The following FBLN1 variants were observed in gnomAD, a reference collection of about 807,000 sequenced individuals.
FBLN1 encodes fibulin-1.
FBLN1 carries 34 observed loss-of-function variants against 89.7 expected under a neutral mutation model. The observed-to-expected ratio is 0.38, with a 90% confidence interval of 0.29 to 0.50. The LOEUF is 0.50. FBLN1 is among the 20% of genes least tolerant of loss of function. FBLN1 has a pLI of 0.92. For missense variants in FBLN1, 777 were observed against 988.1 expected, an observed-to-expected ratio of 0.79 and a Z score of 2.86; for synonymous variants, 393 against 391.3, an observed-to-expected ratio of 1.00 and a Z score of -0.05.
intron 1 of FBLN1, chr22:45,517,807 G>A (rs1006767603): frequency 1.9e-5 from 7 of 365,340 alleles, no homozygotes; most frequent in Middle Eastern, 4.1e-4. Context: ...GAGAAAACAC[G>A]GATGTGGGTC....
chr22:45,565,511 C>T (rs1206928900), intron 14 of FBLN1: 2 of 295,240 alleles, frequency 6.8e-6, no homozygotes, highest in Non-Finnish European at 1.3e-5. Flanking sequence ...AGCCTGAGCT[C>T]CCCTGGCCCC....
Position 45,537,728 on chromosome 22 carries a change from C to T in FBLN1, c.922+2391C>T, listed in dbSNP as rs1316781709. On this transcript the variant is annotated intron_variant, in intron 8 of 16. Coordinates refer to ENST00000327858, the MANE Select transcript of FBLN1 (RefSeq NM_006486.3). The surrounding 1 kb of genome is among the most constrained non-coding windows in gnomAD (Gnocchi z 5.7). ...CTCTGTTACAGCTTCCCTGTCATCC[C>T]CTGGGGGAGACTTCTGAGCTGGGGC... Among the ~76,000 whole-genome samples, 1 of 152,220 alleles carries T rather than the reference C, an allele frequency of 6.6e-6. No individual in the cohort carries two copies. The highest frequency in any genetic ancestry group is 1.5e-5 in the Non-Finnish European group (1 of 68,044).
At chr22:45,510,462 C>T (rs745783559) in intron 1 of FBLN1, among the ~76,000 whole-genome samples, 1 of 152,130 alleles carries the variant, frequency 6.6e-6, no homozygotes, top group East Asian at 1.9e-4. Flanking sequence ...AAACTCTCAA[C>T]CATGAGATCA....
Position 45,578,518 on chromosome 22 carries a change from C to T in FBLN1, c.1972+1410C>T, listed in dbSNP as rs1309887025. 1 of 152,012 alleles carries T rather than the reference C, an allele frequency of 6.6e-6. No homozygotes were observed. The highest frequency in any genetic ancestry group is 6.5e-5 in the Admixed American group (1 of 15,270). 9.4% of individuals were successfully genotyped at this position (152,012 alleles called of 1,614,324 possible). A position where few individuals can be genotyped will look rare whatever the true frequency, so the allele number is the denominator to read the frequency against. On this transcript the variant is annotated intron_variant, in intron 16 of 16. Transcript: ENST00000327858. The surrounding 1 kb of genome is among the most constrained non-coding windows in gnomAD (Gnocchi z 4.6). ...TGCTGCTTGCCCTTGAGTCACTCCCCACTCTGGGCCTCAGTTTCCCCCATT... is the reference window on the plus strand; with the variant it reads ...TGCTGCTTGCCCTTGAGTCACTCCCTACTCTGGGCCTCAGTTTCCCCCATT...
intron 14 of FBLN1, among the ~76,000 whole-genome samples, chr22:45,553,422 T>G (rs2088731655): frequency 6.6e-6 from 1 of 152,232 alleles, no homozygotes; most frequent in African/African-American, 2.4e-5. Context: ...TGCCCTGCTC[T>G]GTAATACATT....
At chr22:45,503,174 C>G in intron 1 of FBLN1, 110 bp downstream of exon 1, 1 of 620,944 alleles carries the variant, frequency 1.6e-6, no homozygotes, top group Non-Finnish European at 2.0e-6. Context: ...CGTTGCCCTG[C>G]GCGGCGCCCC....
chr22:45,552,675 C>T (rs2088719631), intron 14 of FBLN1, among the ~76,000 whole-genome samples: 1 of 152,162 alleles, frequency 6.6e-6, no homozygotes, highest in South Asian at 2.1e-4. Flanking sequence ...CTGCAGAGTC[C>T]GCTGCTGTGC....
At chr22:45,519,137 A>G (rs754545236) in intron 2 of FBLN1, among the ~76,000 whole-genome samples, 2 of 152,154 alleles carry the variant, frequency 1.3e-5, no homozygotes, top group Non-Finnish European at 2.9e-5. Context: ...GTGACTAAAG[A>G]GCTTTGCGAG....
intron 2 of FBLN1, among the ~76,000 whole-genome samples, chr22:45,524,234 C>A (rs964623698): frequency 2.0e-5 from 3 of 152,170 alleles, no homozygotes; most frequent in Non-Finnish European, 2.9e-5. Flanking sequence ...CTGGGGAGGC[C>A]CCCACCCTCT....
chr22:45,544,837 A>C (rs1284639374), intron 11 of FBLN1, among the ~76,000 whole-genome samples: 1 of 152,128 alleles, frequency 6.6e-6, no homozygotes, highest in East Asian at 1.9e-4. Flanking sequence ...AGGTCACATG[A>C]ACTGCATGTC....
chr22:45,547,226 G>A (rs755950048), intron 12 of FBLN1, 22 bp downstream of exon 12: 3 of 1,612,630 alleles, frequency 1.9e-6, no homozygotes, highest in Non-Finnish European at 2.5e-6. Flanking sequence ...CCTGCCTGCT[G>A]AGGGGGAAAG....
intron 1 of FBLN1, among the ~76,000 whole-genome samples, chr22:45,513,276 A>C (rs971874393): frequency 1.3e-5 from 2 of 150,646 alleles, no homozygotes; most frequent in East Asian, 3.9e-4. Context: ...TAAAATACGC[A>C]TCACATGGGA....
rs1170920172 is a variant in FBLN1 at position 45,557,951 on chromosome 22, G to T, written c.1697+7336G>T. ...ACTGGGAAGATTTCCCTTTGCCACT[G>T]TCCTTCAGGGATGTCCTAGAAAGGG... On this transcript the variant is annotated intron_variant, in intron 14 of 16. Transcript: ENST00000327858. This position sits in a 1 kb window ranked among gnomAD's most constrained non-coding sequence, Gnocchi z 4.9. 2 of 670,568 alleles carry T rather than the reference G, an allele frequency of 3.0e-6. No individual in the cohort carries two copies. The highest frequency in any genetic ancestry group is 5.6e-6 in the Non-Finnish European group (2 of 356,986). 41.5% of individuals were successfully genotyped at this position (670,568 alleles called of 1,614,324 possible).
rs761041772 is a variant in FBLN1, at chr22:45,550,924, C to T, written c.1697+309C>T. 4.4e-5 allele frequency: 20 copies of T among 456,194 alleles called. No homozygotes were observed. Among genetic ancestry groups the T allele is most frequent in the Non-Finnish European group, 8.1e-5 (20 of 246,082 alleles). 28.3% of individuals were successfully genotyped at this position (456,194 alleles called of 1,614,324 possible). A position where few individuals can be genotyped will look rare whatever the true frequency, so the allele number is the denominator to read the frequency against. On this transcript the variant is annotated intron_variant, in intron 14 of 16. Coordinates refer to ENST00000327858, the MANE Select transcript of FBLN1 (RefSeq NM_006486.3). This position sits in a 1 kb window ranked among gnomAD's most constrained non-coding sequence, Gnocchi z 8.4. The stretch of plus-strand genomic sequence containing the variant: ...AGGGTGGAAGCCTTGGGCAAGCTCT[C>T]TGGGCCTCAGTTTCCTCATCTGTAA...
intron 14 of FBLN1, among the ~76,000 whole-genome samples, chr22:45,555,183 T>G (rs1016724452): frequency 2.6e-4 from 40 of 151,450 alleles, no homozygotes; most frequent in Non-Finnish European, 2.6e-4. Flanking sequence ...CCCGTCTCTG[T>G]CTCCACCACA....
At position 45,579,003 on chromosome 22, in the gene FBLN1, A is replaced by T. The variant is rs2147031331; in HGVS notation, c.1972+1895A>T. 6.6e-6 allele frequency among the ~76,000 whole-genome samples: 1 copy of T among 152,340 alleles called. No individual in the cohort carries two copies. Among genetic ancestry groups the T allele is most frequent in the East Asian group, 1.9e-4 (1 of 5,182 alleles). ...GATGCCGAAATAGGCATGCACAGAG[A>T]CAGGCCTTGATGGCCTGTGGAGGCT... On this transcript the variant is annotated intron_variant, in intron 16 of 16. Transcript: ENST00000327858. This position sits in a 1 kb window ranked among gnomAD's most constrained non-coding sequence, Gnocchi z 5.5.
chr22:45,550,596 T>C lies in FBLN1; in HGVS notation c.1678T>C (p.Tyr560His). ...CCTGGCCTTCGAGTGCCCTGAGAAC[T>C]ACCGCCGCTCCGCAGCCACGTAAGT... is the stretch of plus-strand genomic sequence containing the variant. The part of the protein sequence containing the change: ...RCLAFECPEN[Y>H]RRSAATLQQE... Residue 560 changes from tyrosine (Y) to histidine (H), a missense_variant, in exon 14 of 17, where the codon TAC (tyrosine) becomes CAC (histidine). Tyr to His is a moderately conservative substitution (Grantham distance 83). Transcript: ENST00000327858. This position sits in a 1 kb window ranked among gnomAD's most constrained non-coding sequence, Gnocchi z 8.4. 6.2e-7 allele frequency: 1 copy of C among 1,614,034 alleles called. No homozygotes were observed. The highest frequency in any genetic ancestry group is 8.5e-7 in the Non-Finnish European group (1 of 1,180,034).
rs534252098 is a variant in FBLN1 at position 45,537,578 on chromosome 22, C to T, written c.922+2241C>T. On this transcript the variant is annotated intron_variant, in intron 8 of 16. Transcript: ENST00000327858. The surrounding 1 kb of genome is among the most constrained non-coding windows in gnomAD (Gnocchi z 5.7). ...GAGGTTGTAGTGAGCCAAGATCGTG[C>T]CACTGCACTCCAGCCTGGACAACAG... Among the ~76,000 whole-genome samples, 1 of 151,830 alleles carries T rather than the reference C, an allele frequency of 6.6e-6. No individual in the cohort carries two copies. The highest frequency in any genetic ancestry group is 1.9e-4 in the East Asian group (1 of 5,186).
chr22:45,552,928 G>A (rs1053627687), intron 14 of FBLN1, among the ~76,000 whole-genome samples: 4 of 152,204 alleles, frequency 2.6e-5, no homozygotes, highest in Admixed American at 6.5e-5. Flanking sequence ...CAGTGGGGCC[G>A]GCGCCTGATG....
Sources: allele counts gnomAD v4.1 joint callset (sites outside exome capture counted in the v4.1 genomes callset), GRCh38; gene constraint gnomAD v4.1.1; non-coding constraint Gnocchi (gnomAD v3.1); transcripts MANE v1.5; gene names NCBI Gene and HGNC (gene_info 2026-07-23, HGNC 2026-07-21).